CCDC27: variants seen among roughly 807,000 people sequenced by gnomAD.
CCDC27 encodes coiled-coil domain-containing protein 27.
A neutral mutation model predicts 80.3 loss-of-function variants in CCDC27; 80 were observed. That is an observed-to-expected ratio of 1.00 (90% CI 0.83 to 1.20). CCDC27 has a LOEUF of 1.20. Among genes scored for constraint, CCDC27 ranks in the 50% most tolerant of loss-of-function variants. The pLI, the probability that CCDC27 is intolerant of heterozygous loss-of-function variation, is 0.00. For synonymous variants in CCDC27, 342 were observed against 334.3 expected, an observed-to-expected ratio of 1.02 and a Z score of -0.25; for missense variants, 815 against 809.4, an observed-to-expected ratio of 1.01 and a Z score of -0.08.
intron 8 of CCDC27, among the ~76,000 whole-genome samples, chr1:3,764,823 G>C (rs1643189942): frequency 6.6e-6 from 1 of 152,060 alleles, no homozygotes; most frequent in Non-Finnish European, 1.5e-5. Context: ...ATCACCTCAG[G>C]TCAGGAGTTC....
Position 3,752,573 on chromosome 1 carries a change from T to G in CCDC27, c.92T>G (p.Phe31Cys), listed in dbSNP as rs938513998. 2 of 1,614,084 alleles carry G rather than the reference T, an allele frequency of 1.2e-6. No homozygotes were observed. The highest frequency in any genetic ancestry group is 1.7e-5 in the Admixed American group (1 of 60,014). The change falls in exon 1 of 12, where the codon TTC (phenylalanine) becomes TGC (cysteine). Residue 31 changes from phenylalanine (F) to cysteine (C), a missense_variant. By Grantham distance (205) the Phe-to-Cys change is radical (BLOSUM62 -2). Transcript: ENST00000294600. ...GGCCTGTCCTCATTCAGGTCCACAT[T>G]CAGGCAACAAAGCTCACTTGGTCTT... is the stretch of plus-strand genomic sequence containing the variant. ...KPGLSSFRSTFRQQSSLGLCI... is the reference protein window; with the variant it reads ...KPGLSSFRSTCRQQSSLGLCI...
chr1:3,770,684 G>A (rs752731082), intron 11 of CCDC27, among the ~76,000 whole-genome samples: 12 of 152,154 alleles, frequency 7.9e-5, no homozygotes, highest in Non-Finnish European at 1.2e-4. Context: ...CAGCACCCAC[G>A]TTCCTGGGGC....
chr1:3,756,532 G>C (rs1570702113), intron 3 of CCDC27: 11 of 525,848 alleles, frequency 2.1e-5, no homozygotes, highest in Non-Finnish European at 3.8e-5. Flanking sequence ...CTGGGTGTGG[G>C]CGCCCCATCG....
At position 3,765,722 on chromosome 1, in the gene CCDC27, T is replaced by A. The variant is rs565028825; in HGVS notation, c.1453-813T>A. On this transcript the variant is annotated intron_variant, in intron 8 of 11. Coordinates refer to ENST00000294600, the MANE Select transcript of CCDC27 (RefSeq NM_152492.3). ...ACTTCTATTTCCTACAAGTTTGCTT[T>A]TGGTGTCTGTCATTCATCTGAGAGC... Among the ~76,000 whole-genome samples the A allele has an allele frequency of 7.2e-5, 11 of 152,366 alleles. No individual in the cohort carries two copies. In the South Asian group the frequency reaches 2.3e-3, roughly 32 times the overall value.
chr1:3,752,512 C>T lies in CCDC27; in HGVS notation c.31C>T (p.Gln11Ter). ...CGAGGCCATCTTCCCCTCCACACCC[C>T]AAGCCAGGCTGAAGAGAGATCCACG... is the stretch of plus-strand genomic sequence containing the variant. MFEAIFPSTP[Q>*]ARLKRDPREK... The change falls in exon 1 of 12, where the codon CAA (glutamine) becomes TAA (stop). Residue 11 changes from glutamine (Q) to a stop codon, truncating the protein, a stop_gained. Transcript: ENST00000294600. LOFTEE classifies it high-confidence loss of function. The T allele has an allele frequency of 6.2e-7, 1 of 1,614,114 alleles. No individual in the cohort carries two copies. Among genetic ancestry groups the T allele is most frequent in the Non-Finnish European group, 8.5e-7 (1 of 1,180,050 alleles).
intron 11 of CCDC27, among the ~76,000 whole-genome samples, chr1:3,770,615 A>G (rs1643336117): frequency 6.6e-6 from 1 of 152,182 alleles, no homozygotes; most frequent in South Asian, 2.1e-4. Context: ...TTTGTTCCCA[A>G]GACCCACACT....
At chr1:3,755,848 G>A (rs886996704) in intron 3 of CCDC27, 6 of 408,444 alleles carry the variant, frequency 1.5e-5, no homozygotes, top group African/African-American at 1.2e-4. Context: ...TGGCTGATGG[G>A]TGCATCCCTC....
rs1264753020 is a variant in CCDC27 at position 3,768,226 on chromosome 1, T to C, written c.1743+781T>C. Among the ~76,000 whole-genome samples, 2 of 151,374 alleles carry C rather than the reference T, an allele frequency of 1.3e-5. No individual in the cohort carries two copies. The highest frequency in any genetic ancestry group is 4.9e-5 in the African/African-American group (2 of 41,134). On this transcript the variant is annotated intron_variant, in intron 10 of 11. Transcript: ENST00000294600. The surrounding 1 kb of genome is among the most constrained non-coding windows in gnomAD (Gnocchi z 5.6). ...CGTCATCCCACCTCAGCCTCCTGAG[T>C]AGCTGGGACCACAGGCATGTGCCAC...
At position 3,756,856 on chromosome 1, in the gene CCDC27, G is replaced by GGAT; in HGVS notation, c.679_681dup (p.Met227dup). On this transcript the variant is annotated inframe_insertion, in exon 4 of 12. Transcript: ENST00000294600. ...GCATCTCAGAGCTGCCTGAGAAAGA[G>GGAT]GATGCCCTGGTACCTCTCAGTCATC... The GGAT allele has an allele frequency of 6.2e-7, 1 of 1,613,680 alleles. No individual in the cohort carries two copies. The highest frequency in any genetic ancestry group is 8.5e-7 in the Non-Finnish European group (1 of 1,179,992).
chr1:3,752,510 C>T lies in CCDC27; in HGVS notation c.29C>T (p.Pro10Leu), dbSNP rs1642844490. Residue 10 changes from proline (P) to leucine (L), a missense_variant, in exon 1 of 12, where the codon CCC becomes CTC. Pro to Leu is a moderately conservative substitution (Grantham distance 98). Coordinates refer to ENST00000294600, the MANE Select transcript of CCDC27 (RefSeq NM_152492.3). MFEAIFPSTPQARLKRDPRE... is the reference protein window; with the variant it reads MFEAIFPSTLQARLKRDPRE... ...TTCGAGGCCATCTTCCCCTCCACAC[C>T]CCAAGCCAGGCTGAAGAGAGATCCA... 6.2e-7 allele frequency: 1 copy of T among 1,613,982 alleles called. No individual in the cohort carries two copies. The highest frequency in any genetic ancestry group is 1.3e-5 in the African/African-American group (1 of 74,938).
rs368405958 is a variant in CCDC27 at position 3,763,310 on chromosome 1, A to C, written c.1157A>C (p.Glu386Ala). 96 of 1,609,240 alleles carry C rather than the reference A, an allele frequency of 6.0e-5. No individual in the cohort carries two copies. Among genetic ancestry groups the C allele is most frequent in the Admixed American group, 1.7e-5 (1 of 59,086 alleles). The change falls in exon 7 of 12, where the codon GAA becomes GCA. Residue 386 changes from glutamate to alanine, a missense_variant. Physicochemically the swap from Glu to Ala is moderately radical, Grantham distance 107. Coordinates refer to ENST00000294600, the MANE Select transcript of CCDC27 (RefSeq NM_152492.3). This position sits in a 1 kb window ranked among gnomAD's most constrained non-coding sequence, Gnocchi z 7.5. The stretch of plus-strand genomic sequence containing the variant: ...GGGGACAGGGATGAGGACTCAGAGG[A>C]AAGGGAGCTGCCGGAGGAAGAGGAG... ...EEGDRDEDSE[E>A]RELPEEEEIP...
intron 3 of CCDC27, chr1:3,756,531 G>A: frequency 1.9e-6 from 1 of 524,684 alleles, no homozygotes; most frequent in Non-Finnish European, 3.4e-6. Context: ...GCTGGGTGTG[G>A]GCGCCCCATC....
chr1:3,754,881 C>T (rs566549199), intron 2 of CCDC27, among the ~76,000 whole-genome samples: 1 of 152,274 alleles, frequency 6.6e-6, no homozygotes, highest in South Asian at 2.1e-4. Context: ...GTGCTGTCCA[C>T]CAATCTCAGC....
At chr1:3,758,056 C>A (rs1178068241) in intron 4 of CCDC27, among the ~76,000 whole-genome samples, 1 of 151,820 alleles carries the variant, frequency 6.6e-6, no homozygotes, top group East Asian at 1.9e-4. Context: ...CACCCAGCAC[C>A]TTTTTTCTTT....
In CCDC27 at chr1:3,752,819, G is replaced by A. The variant is rs1309482000; in HGVS notation, c.318+20G>A. 6.2e-7 allele frequency: 1 copy of A among 1,603,554 alleles called. No individual in the cohort carries two copies. The highest frequency in any genetic ancestry group is 1.7e-5 in the Admixed American group (1 of 59,390). ...AAGACGGTATGGGGTCCCGGGAGGA[G>A]GGCTGCCACGAGCCTTGAGGTGACC... is the stretch of plus-strand genomic sequence containing the variant. On this transcript the variant is annotated intron_variant, in intron 1 of 11. Coordinates refer to ENST00000294600, the MANE Select transcript of CCDC27 (RefSeq NM_152492.3).
At chr1:3,771,309 T>A in intron 11 of CCDC27, 92 bp from the exon 12 acceptor site, 1 of 1,537,068 alleles carries the variant, frequency 6.5e-7, no homozygotes, top group Non-Finnish European at 8.9e-7. Flanking sequence ...GAGGGTGGCG[T>A]CCCGGGCAGC....
Position 3,763,236 on chromosome 1 carries a change from G to A in CCDC27, c.1083G>A (p.Gln361=). 1 of 1,558,236 alleles carries A rather than the reference G, an allele frequency of 6.4e-7. No individual in the cohort carries two copies. The highest frequency in any genetic ancestry group is 8.7e-7 in the Non-Finnish European group (1 of 1,150,076). Residue 361 remains glutamine (Q), a synonymous_variant, in exon 7 of 12, where the codon CAG becomes CAA. Transcript: ENST00000294600. This position sits in a 1 kb window ranked among gnomAD's most constrained non-coding sequence, Gnocchi z 7.5. Reference sequence around the variant, plus strand: ...CGGGTGCCTGGGGAGGTGTGAGCCAGATGGGATCCGTGCATGAGGAGGGAA... The same window carrying A: ...CGGGTGCCTGGGGAGGTGTGAGCCAAATGGGATCCGTGCATGAGGAGGGAA... ...EDTGAWGGVS[Q]MGSVHEEGSE...
At chr1:3,754,344 TG>T in intron 2 of CCDC27, 103 bp downstream of exon 2, 1 of 1,401,994 alleles carries the variant, frequency 7.1e-7, no homozygotes, top group Non-Finnish European at 9.4e-7. Context: ...CCGCCAGAGT[TG>T]GCCTCCACAG....
chr1:3,760,352 C>T lies in CCDC27; in HGVS notation c.712-929C>T, dbSNP rs1434224805. ...CTCTCTCCCCCTTGCTCCTCTCTCC[C>T]TCTCTCCCTTCCTATATCATAAATT... On this transcript the variant is annotated intron_variant, in intron 4 of 11. Transcript: ENST00000294600. The surrounding 1 kb of genome is among the most constrained non-coding windows in gnomAD (Gnocchi z 4.3). 6.6e-6 allele frequency among the ~76,000 whole-genome samples: 1 copy of T among 152,102 alleles called. No homozygotes were observed. The highest frequency in any genetic ancestry group is 1.5e-5 in the Non-Finnish European group (1 of 68,034).
Sources: gnomAD v4.1 joint callset for allele counts (sites outside exome capture counted in the v4.1 genomes callset) on GRCh38, gnomAD v4.1.1 for gene constraint, Gnocchi (gnomAD v3.1) non-coding constraint, MANE v1.5 for transcripts, NCBI Gene and HGNC (gene_info 2026-07-23, HGNC 2026-07-21) for gene names.